Variants in EEPD1 observed in about 807,000 individuals in gnomAD.
EEPD1 encodes the protein endonuclease/exonuclease/phosphatase family domain containing 1, also known as endonuclease/exonuclease/phosphatase family domain-containing protein 1.
EEPD1 carries 17 observed loss-of-function variants against 46.3 expected under a neutral mutation model. The observed-to-expected ratio is 0.37, with a 90% CI of 0.25 to 0.55. EEPD1 has a LOEUF of 0.55. Ranked by LOEUF, EEPD1 falls within the 20% of genes least tolerant of loss-of-function variation. EEPD1 has a pLI of 0.83. For synonymous variants in EEPD1, 313 were observed against 315.6 expected (o/e 0.99, Z 0.09); for missense variants, 673 against 745.6 (o/e 0.90, Z 1.13).
At chr7:36,287,613 C>T (rs761655036) in intron 5 of EEPD1, 26 bp from the exon 6 acceptor site, 1 of 1,609,454 alleles carries the variant, frequency 6.2e-7, no homozygotes, top group South Asian at 1.1e-5. Context: ...GAGCCTCTCC[C>T]TGTTGCTTTG....
At position 36,197,514 on chromosome 7, in the gene EEPD1, C is replaced by G. The variant is rs934025370; in HGVS notation, c.879-41471C>G. Among the ~76,000 whole-genome samples the G allele has an allele frequency of 1.5e-3, 222 of 152,262 alleles. 2 individuals carry two copies. The highest frequency in any genetic ancestry group is 2.6e-4 in the Non-Finnish European group (18 of 68,016). On this transcript the variant is annotated intron_variant, in intron 2 of 7. Transcript: ENST00000242108. ...AAAGATTGAGAAATTGGATGGTTGC[C>G]GTGTCTGTGTAGAAAGAGGTAGACA...
intron 2 of EEPD1, chr7:36,228,639 TTG>T: frequency 6.6e-6 from 1 of 152,120 alleles, no homozygotes; most frequent in South Asian, 2.1e-4. Context: ...TTTTACACAG[TTG>T]TGTTTGATTA....
Position 36,154,423 on chromosome 7 carries a change from T to A in EEPD1, c.99T>A (p.Ile33=). ...GCGCAGCCTGTAACTTCAGCAACAT[T>A]CTAGTGAATCAGGAGCGGCTCAACA... ...KFSAACNFSN[I]LVNQERLNIN... The change falls in exon 2 of 8, where the codon ATT becomes ATA. Residue 33 remains isoleucine, a synonymous_variant. Transcript: ENST00000242108. This position sits in a 1 kb window ranked among gnomAD's most constrained non-coding sequence, Gnocchi z 4.2. 6.2e-7 allele frequency: 1 copy of A among 1,614,100 alleles called. No individual in the cohort carries two copies. The highest frequency in any genetic ancestry group is 2.2e-5 in the East Asian group (1 of 44,870).
intron 2 of EEPD1, among the ~76,000 whole-genome samples, chr7:36,162,236 G>T (rs941513686): frequency 3.4e-4 from 51 of 152,192 alleles, no homozygotes; most frequent in Non-Finnish European, 2.6e-4. Flanking sequence ...TGTCTTGATT[G>T]ACAGCAGCCA....
chr7:36,233,420 C>CA (rs1469770208), intron 2 of EEPD1, among the ~76,000 whole-genome samples: 1 of 152,260 alleles, frequency 6.6e-6, no homozygotes, highest in Non-Finnish European at 1.5e-5. Flanking sequence ...GCTATGATAG[C>CA]AACTTGGCCT....
intron 6 of EEPD1, among the ~76,000 whole-genome samples, chr7:36,293,378 TGTG>T (rs1347058523): frequency 6.6e-6 from 1 of 152,184 alleles, no homozygotes; most frequent in Admixed American, 6.5e-5. Flanking sequence ...ATATTCTAGT[TGTG>T]GTTCCCATAC....
At chr7:36,234,447 G>A (rs1786392075) in intron 2 of EEPD1, among the ~76,000 whole-genome samples, 1 of 152,068 alleles carries the variant, frequency 6.6e-6, no homozygotes, top group South Asian at 2.1e-4. Context: ...TGAGGGAGGC[G>A]AATCGCTTGA....
intron 2 of EEPD1, among the ~76,000 whole-genome samples, chr7:36,168,246 A>G (rs932611767): frequency 6.6e-6 from 1 of 152,250 alleles, no homozygotes; most frequent in Non-Finnish European, 1.5e-5. Context: ...TTTACCCCAC[A>G]TGCTGTTGCC....
At chr7:36,267,743 G>A (rs1787045073) in intron 3 of EEPD1, among the ~76,000 whole-genome samples, 1 of 152,136 alleles carries the variant, frequency 6.6e-6, no homozygotes, top group African/African-American at 2.4e-5. Flanking sequence ...GAATTGTCAT[G>A]GACTAGCTGT....
chr7:36,206,242 C>T (rs1269669585), intron 2 of EEPD1, among the ~76,000 whole-genome samples: 1 of 152,068 alleles, frequency 6.6e-6, no homozygotes, highest in East Asian at 1.9e-4. Flanking sequence ...GAACAGTTCT[C>T]AGTGGACTGT....
chr7:36,294,715 G>A (rs1039500960), intron 6 of EEPD1, among the ~76,000 whole-genome samples: 2 of 152,096 alleles, frequency 1.3e-5, no homozygotes, highest in Non-Finnish European at 2.9e-5. Flanking sequence ...TCCTATATAT[G>A]ATAAAGGGTT....
At chr7:36,280,180 C>T (rs12154765) in intron 3 of EEPD1, among the ~76,000 whole-genome samples, 19,877 of 152,110 alleles carry the variant, frequency 0.13, 1,398 homozygotes, top group Middle Eastern at 0.24. Flanking sequence ...GGTGGAGATG[C>T]TAAGGAGGCA....
At chr7:36,277,663 T>G (rs938270473) in intron 3 of EEPD1, among the ~76,000 whole-genome samples, 3 of 152,206 alleles carry the variant, frequency 2.0e-5, no homozygotes, top group African/African-American at 7.2e-5. Flanking sequence ...CAATTCTTTT[T>G]TCAGTCCTAA....
intron 2 of EEPD1, among the ~76,000 whole-genome samples, chr7:36,200,171 C>T (rs1011188084): frequency 1.3e-5 from 2 of 151,848 alleles, no homozygotes; most frequent in Non-Finnish European, 2.9e-5. Context: ...GTGTGTTGTT[C>T]CCCTCTTTGT....
intron 2 of EEPD1, among the ~76,000 whole-genome samples, chr7:36,186,963 A>G (rs2540668): frequency 0.13 from 19,793 of 152,282 alleles, 1,682 homozygotes; most frequent in Non-Finnish European, 0.19. Flanking sequence ...GTGTTTCCCC[A>G]GCATGTTTAT....
intron 6 of EEPD1, among the ~76,000 whole-genome samples, chr7:36,292,849 T>C (rs971085715): frequency 3.9e-5 from 6 of 152,172 alleles, no homozygotes; most frequent in African/African-American, 1.4e-4. Flanking sequence ...CAGGTTTTGT[T>C]TCATTTTCAG....
chr7:36,159,611 C>T (rs1309699234), intron 2 of EEPD1, among the ~76,000 whole-genome samples: 1 of 152,250 alleles, frequency 6.6e-6, no homozygotes, highest in Non-Finnish European at 1.5e-5. Flanking sequence ...CCATGCCCTT[C>T]TGCTGCCTCT....
intron 2 of EEPD1, among the ~76,000 whole-genome samples, chr7:36,204,822 T>G (rs1785783978): frequency 6.8e-6 from 1 of 148,012 alleles, no homozygotes; most frequent in South Asian, 2.2e-4. Context: ...TTGTTTGTTT[T>G]TTAAAAAAAG....
At chr7:36,242,406 C>G (rs929696118) in intron 3 of EEPD1, among the ~76,000 whole-genome samples, 3 of 152,238 alleles carry the variant, frequency 2.0e-5, no homozygotes, top group African/African-American at 7.2e-5. Flanking sequence ...CAGGGGCCAG[C>G]AGGGAGCCAA....
Sources: allele counts gnomAD v4.1 joint callset (sites outside exome capture counted in the v4.1 genomes callset), GRCh38; gene constraint gnomAD v4.1.1; non-coding constraint Gnocchi (gnomAD v3.1); transcripts MANE v1.5; gene names NCBI Gene and HGNC (gene_info 2026-07-23, HGNC 2026-07-21).